Variants in MATN2 observed in about 807,000 individuals in gnomAD.
MATN2 encodes the protein matrilin 2.
A neutral mutation model predicts 103.2 loss-of-function variants in MATN2; 69 were observed. The observed-to-expected ratio is 0.67, with a 90% CI of 0.55 to 0.82. The LOEUF is 0.82. Among genes scored for constraint, MATN2 ranks in the 40% least tolerant of loss-of-function variants. The pLI is 0.00. For missense variants in MATN2, 1,023 were observed against 1,211.5 expected (o/e 0.84, Z 2.31); for synonymous variants, 429 against 450.2 (o/e 0.95, Z 0.60).
chr8:97,999,442 C>T (rs949082698), intron 7 of MATN2, among the ~76,000 whole-genome samples: 6 of 152,234 alleles, frequency 3.9e-5, no homozygotes, highest in Non-Finnish European at 7.3e-5. Context: ...TTTCACCTTT[C>T]CCTGATGGTG....
At chr8:97,946,849 T>C (rs573871777) in intron 4 of MATN2, among the ~76,000 whole-genome samples, 1 of 152,324 alleles carries the variant, frequency 6.6e-6, no homozygotes, top group Middle Eastern at 3.4e-3. Flanking sequence ...CATAAGTGAT[T>C]TAATAGATTT....
chr8:97,874,712 G>T (rs1818009971), intron 1 of MATN2, among the ~76,000 whole-genome samples: 1 of 151,518 alleles, frequency 6.6e-6, no homozygotes, highest in Non-Finnish European at 1.5e-5. Context: ...ACCATGCCCT[G>T]ACCTCTTCTA....
At chr8:97,925,213 C>A (rs561687596) in intron 2 of MATN2, among the ~76,000 whole-genome samples, 2 of 152,252 alleles carry the variant, frequency 1.3e-5, no homozygotes, top group South Asian at 4.2e-4. Context: ...ACAGTTTGAA[C>A]ACTCAGTAGT....
intron 2 of MATN2, among the ~76,000 whole-genome samples, chr8:97,902,978 G>A (rs1280162265): frequency 6.6e-5 from 10 of 152,298 alleles, no homozygotes; most frequent in Non-Finnish European, 1.2e-4. Flanking sequence ...GTCTAGGAAC[G>A]TCAGTACCCA....
At chr8:97,888,554 T>A (rs1347901837) in intron 2 of MATN2, among the ~76,000 whole-genome samples, 2 of 152,176 alleles carry the variant, frequency 1.3e-5, no homozygotes, top group Non-Finnish European at 2.9e-5. Flanking sequence ...AAAGGTGTTA[T>A]GAAAATTTTT....
chr8:98,018,958 A>C (rs1813473832), intron 12 of MATN2, among the ~76,000 whole-genome samples: 2 of 151,670 alleles, frequency 1.3e-5, no homozygotes, highest in African/African-American at 4.8e-5. Context: ...TTTCGTTAGA[A>C]GGTGTATTCC....
chr8:98,022,701 G>T (rs1322334520), intron 13 of MATN2, among the ~76,000 whole-genome samples: 1 of 143,328 alleles, frequency 7.0e-6, no homozygotes, highest in Non-Finnish European at 1.5e-5. Flanking sequence ...TACCAGGGAA[G>T]CTGCATGCCT....
intron 1 of MATN2, among the ~76,000 whole-genome samples, chr8:97,882,134 G>C (rs1217408372): frequency 6.6e-6 from 1 of 151,118 alleles, no homozygotes; most frequent in East Asian, 1.9e-4. Flanking sequence ...ATGTTGGCCA[G>C]GCTGGTCTCA....
chr8:97,888,194 A>G lies in MATN2; in HGVS notation c.94A>G (p.Ile32Val). 2.5e-6 allele frequency: 4 copies of G among 1,604,512 alleles called. No individual in the cohort carries two copies. The highest frequency in any genetic ancestry group is 1.1e-5 in the South Asian group (1 of 89,662). The part of the protein sequence containing the change: ...EARERSRGRS[I>V]SRGRHARTHP... ...CAGGGAGCGGTCACGTGGGAGGTCC[A>G]TCTCTAGGGGCAGACACGCTCGGAC... is the stretch of plus-strand genomic sequence containing the variant. The change falls in exon 2 of 19, where the codon ATC (isoleucine) becomes GTC (valine). Residue 32 changes from isoleucine to valine, a missense_variant. Coordinates refer to ENST00000254898, the MANE Select transcript of MATN2 (RefSeq NM_002380.5).
chr8:97,904,612 A>G (rs1819099640), intron 2 of MATN2, among the ~76,000 whole-genome samples: 1 of 152,152 alleles, frequency 6.6e-6, no homozygotes, highest in Non-Finnish European at 1.5e-5. Context: ...CAGTTTTTCA[A>G]CACACGTATT....
rs1554613598 is a variant in MATN2, at chr8:98,000,604, A to AAAAAAAAAAGAAAAG, written c.1205-3051_1205-3050insAAAGAAAAGAAAAAA. Among the ~76,000 whole-genome samples the AAAAAAAAAAGAAAAG allele has an allele frequency of 3.0e-4, 38 of 127,208 alleles. 3 individuals are homozygous for AAAAAAAAAAGAAAAG. Among genetic ancestry groups the AAAAAAAAAAGAAAAG allele is most frequent in the Non-Finnish European group, 5.0e-4 (30 of 59,966 alleles). 83.5% of individuals were successfully genotyped at this position (127,208 alleles called of 152,430 possible). A position where few individuals can be genotyped will look rare whatever the true frequency, so the allele number is the denominator to read the frequency against. ...AGAGCGAGACTCCGTCTCAAAAAAAAAAAAAAGAAATATGGTTAACAATCA... is the reference window on the plus strand; with the variant it reads ...AGAGCGAGACTCCGTCTCAAAAAAAAAAAAAAAAAGAAAAGAAAAAAGAAATATGGTTAACAATCA... On this transcript the variant is annotated intron_variant, in intron 7 of 18. Coordinates refer to ENST00000254898, the MANE Select transcript of MATN2 (RefSeq NM_002380.5).
chr8:98,002,952 T>A (rs1421355827), intron 7 of MATN2, among the ~76,000 whole-genome samples: 1 of 152,040 alleles, frequency 6.6e-6, no homozygotes, highest in Non-Finnish European at 1.5e-5. Context: ...AGCCCGCACG[T>A]CCAGTCATGC....
chr8:97,992,745 C>CAAAAAAAAAAAAAAAAAAAAAAAAAAAAA (rs58985201), intron 6 of MATN2, among the ~76,000 whole-genome samples: 3 of 49,578 alleles, frequency 6.1e-5, no homozygotes, highest in Admixed American at 5.7e-4. Flanking sequence ...GACTCCATCT[C>CAAAAAAAAAAAAAAAAAAAAAAAAAAAAA]AAAAAAAAAA....
At chr8:97,907,551 T>G (rs1332111626) in intron 2 of MATN2, among the ~76,000 whole-genome samples, 1 of 151,108 alleles carries the variant, frequency 6.6e-6, no homozygotes, top group Non-Finnish European at 1.5e-5. Context: ...CTCGATCTCC[T>G]GACCTCGTGA....
intron 4 of MATN2, among the ~76,000 whole-genome samples, chr8:97,960,843 CT>C (rs1251788249): frequency 7.2e-5 from 11 of 152,114 alleles, no homozygotes. Context: ...GAGACAGAGA[CT>C]CGCTCTGTCG....
At chr8:97,907,246 C>T (rs1443012412) in intron 2 of MATN2, among the ~76,000 whole-genome samples, 3 of 151,506 alleles carry the variant, frequency 2.0e-5, no homozygotes, top group Non-Finnish European at 4.4e-5. Flanking sequence ...GGTGATCTGC[C>T]TGCCTCGGCC....
chr8:98,012,950 A>G (rs1220430545), intron 10 of MATN2, among the ~76,000 whole-genome samples: 1 of 152,174 alleles, frequency 6.6e-6, no homozygotes, highest in Non-Finnish European at 1.5e-5. Context: ...AAACAAGGAT[A>G]TTGCCTGGCT....
intron 10 of MATN2, among the ~76,000 whole-genome samples, chr8:98,010,315 C>A (rs1795683855): frequency 6.6e-6 from 1 of 152,170 alleles, no homozygotes; most frequent in South Asian, 2.1e-4. Context: ...TGCCCAGCCT[C>A]ACCCTGGGGC....
At chr8:97,894,667 G>A (rs1243990669) in intron 2 of MATN2, among the ~76,000 whole-genome samples, 1 of 152,094 alleles carries the variant, frequency 6.6e-6, no homozygotes, top group Non-Finnish European at 1.5e-5. Flanking sequence ...GGGAATCACA[G>A]TGTATTAAGA....
Sources: allele counts gnomAD v4.1 joint callset (sites outside exome capture counted in the v4.1 genomes callset), GRCh38; gene constraint gnomAD v4.1.1; transcripts MANE v1.5; gene names NCBI Gene and HGNC (gene_info 2026-07-23, HGNC 2026-07-21).